RNF214: variants seen among roughly 807,000 people sequenced by gnomAD.
RNF214 encodes ring finger protein 214.
RNF214 carries 25 observed loss-of-function variants against 75.9 expected under a neutral mutation model. The ratio of observed to expected loss-of-function variants is 0.33; its 90% CI spans 0.24 to 0.46. RNF214 has a LOEUF of 0.46. Among genes scored for constraint, RNF214 ranks in the 20% least tolerant of loss-of-function variants. The pLI, the probability that RNF214 is intolerant of heterozygous loss-of-function variation, is 1.00. For synonymous variants in RNF214, 314 were observed against 308.8 expected (o/e 1.02, Z -0.18); for missense variants, 725 against 857.5 (o/e 0.85, Z 1.93).
At chr11:117,246,343 A>G (rs377384217) in intron 5 of RNF214, among the ~76,000 whole-genome samples, 13 of 152,274 alleles carry the variant, frequency 8.5e-5, no homozygotes, top group African/African-American at 1.2e-4. Flanking sequence ...GTGTGTGTAT[A>G]TATGTATGTA....
At chr11:117,251,238 G>C (rs1379137103) in intron 6 of RNF214, among the ~76,000 whole-genome samples, 1 of 23,122 alleles carries the variant, frequency 4.3e-5, no homozygotes, top group Non-Finnish European at 1.1e-4. Flanking sequence ...CTGGCCGGGC[G>C]GGGGGCTGAC....
At chr11:117,268,255 G>A (rs1452001200) in intron 6 of RNF214, among the ~76,000 whole-genome samples, 9 of 152,234 alleles carry the variant, frequency 5.9e-5, no homozygotes, top group Admixed American at 2.0e-4. Context: ...GGAGCAAGGT[G>A]CTCTTCAGAG....
intron 6 of RNF214, among the ~76,000 whole-genome samples, chr11:117,258,166 T>A (rs1242873357): frequency 6.6e-6 from 1 of 152,002 alleles, no homozygotes; most frequent in South Asian, 2.1e-4. Context: ...CCTTCCAGGT[T>A]CAAGCAATTC....
chr11:117,251,611 C>T (rs993267921), intron 6 of RNF214, among the ~76,000 whole-genome samples: 9 of 151,814 alleles, frequency 5.9e-5, no homozygotes, highest in African/African-American at 9.7e-5. Flanking sequence ...TTGAAATTTT[C>T]GAAGAAAAAG....
chr11:117,233,066 C>T (rs2032762876), intron 1 of RNF214, among the ~76,000 whole-genome samples: 1 of 152,268 alleles, frequency 6.6e-6, no homozygotes, highest in East Asian at 1.9e-4. Context: ...CCCGAGGACC[C>T]GTGGCTCCGG....
chr11:117,274,011 A>C (rs495438), intron 6 of RNF214, among the ~76,000 whole-genome samples: 108,844 of 152,012 alleles, frequency 0.72, 40,464 homozygotes, highest in East Asian at 0.95. Context: ...AGCAGGGTCT[A>C]TGTGATTCTG....
In RNF214 at chr11:117,239,082, C is replaced by T. The variant is rs934212007; in HGVS notation, c.589C>T (p.Leu197=). 1.2e-6 allele frequency: 2 copies of T among 1,613,102 alleles called. No individual in the cohort carries two copies. The highest frequency in any genetic ancestry group is 1.7e-6 in the Non-Finnish European group (2 of 1,179,630). The change falls in exon 3 of 15, where the codon CTG becomes TTG. Residue 197 remains leucine (L), a synonymous_variant. Coordinates refer to ENST00000300650, the MANE Select transcript of RNF214 (RefSeq NM_207343.4). ...GGATGATGATCAAGATAGCTCTTCC[C>T]TGAAGCTTTCTCAGAACATTGCTGT... ...DQDDDQDSSS[L]KLSQNIAVQT... is the part of the protein sequence containing the mutation.
intron 6 of RNF214, among the ~76,000 whole-genome samples, chr11:117,262,649 T>C (rs1208553694): frequency 3.3e-5 from 5 of 152,090 alleles, no homozygotes; most frequent in Non-Finnish European, 7.3e-5. Context: ...CCCTAAGTGC[T>C]GAGATTACAA....
chr11:117,283,951 C>G (rs1452028369), intron 14 of RNF214, among the ~76,000 whole-genome samples: 2 of 152,162 alleles, frequency 1.3e-5, no homozygotes, highest in African/African-American at 2.4e-5. Flanking sequence ...GCCAGTGCAC[C>G]TGGTCTCTAA....
At chr11:117,271,096 T>C (rs892118476) in intron 6 of RNF214, among the ~76,000 whole-genome samples, 3 of 152,014 alleles carry the variant, frequency 2.0e-5, no homozygotes, top group East Asian at 3.9e-4. Flanking sequence ...GACAGGTTTT[T>C]GCCATGTTGC....
intron 6 of RNF214, among the ~76,000 whole-genome samples, chr11:117,253,721 C>G (rs1008168345): frequency 2.6e-5 from 4 of 152,200 alleles, no homozygotes; most frequent in Non-Finnish European, 5.9e-5. Context: ...AACAAGACAA[C>G]GGTGACTCAT....
At chr11:117,240,336 T>G (rs940083350) in intron 4 of RNF214, among the ~76,000 whole-genome samples, 7 of 146,990 alleles carry the variant, frequency 4.8e-5, no homozygotes, top group Non-Finnish European at 8.9e-5. Flanking sequence ...GATTGTGCGA[T>G]TGTACTGCAG....
At chr11:117,240,732 G>T (rs574400839) in intron 4 of RNF214, among the ~76,000 whole-genome samples, 19 of 151,172 alleles carry the variant, frequency 1.3e-4, no homozygotes, top group Middle Eastern at 3.5e-3. Flanking sequence ...CTGAGATGAA[G>T]ATAAAAACCT....
chr11:117,283,370 G>GT (rs746125786), intron 14 of RNF214, among the ~76,000 whole-genome samples, 160 bp downstream of exon 14: 43 of 148,724 alleles, frequency 2.9e-4, no homozygotes, highest in South Asian at 2.8e-3. Context: ...GTTTTGTTTT[G>GT]TTTTGTTTTA....
At chr11:117,265,028 A>ACTCT (rs1223661840) in intron 6 of RNF214, among the ~76,000 whole-genome samples, 1 of 151,714 alleles carries the variant, frequency 6.6e-6, no homozygotes, top group Non-Finnish European at 1.5e-5. Flanking sequence ...AGATCACGCC[A>ACTCT]CTGCACTCCA....
At chr11:117,251,369 CGGGCGGGGGGCT>C (rs1565335115) in intron 6 of RNF214, among the ~76,000 whole-genome samples, 1 of 140,492 alleles carries the variant, frequency 7.1e-6, no homozygotes, top group African/African-American at 2.6e-5. Context: ...GGCGGCTGGC[CGGGCGGGGGGCT>C]GACCCCCCCA....
At chr11:117,283,782 A>T (rs2034180622) in intron 14 of RNF214, among the ~76,000 whole-genome samples, 1 of 152,034 alleles carries the variant, frequency 6.6e-6, no homozygotes, top group African/African-American at 2.4e-5. Context: ...TCTCTTGAGT[A>T]GCTGAGATTA....
intron 6 of RNF214, among the ~76,000 whole-genome samples, chr11:117,278,347 A>C (rs1441366831): frequency 1.3e-5 from 2 of 152,114 alleles, no homozygotes; most frequent in South Asian, 2.1e-4. Context: ...TTTTCTTCTT[A>C]TTTTATTTTT....
At chr11:117,246,686 A>T in intron 5 of RNF214, 123 bp from the exon 6 acceptor site, 3 of 1,030,252 alleles carry the variant, frequency 2.9e-6, no homozygotes, top group East Asian at 5.0e-5. Context: ...CATTCTTTCA[A>T]TTCAATTTGA....
Sources: gnomAD v4.1 joint callset for allele counts (sites outside exome capture counted in the v4.1 genomes callset) on GRCh38, gnomAD v4.1.1 for gene constraint, MANE v1.5 for transcripts, NCBI Gene and HGNC (gene_info 2026-07-23, HGNC 2026-07-21) for gene names.